The following MYO18B variants were observed in gnomAD, a reference collection of about 807,000 sequenced individuals.
MYO18B encodes unconventional myosin-XVIIIb.
MYO18B carries 204 observed loss-of-function variants against 273.0 expected under a neutral mutation model. The ratio of observed to expected loss-of-function variants is 0.75; its 90% CI spans 0.67 to 0.84. MYO18B has a LOEUF of 0.84. Ranked by LOEUF, MYO18B falls within the 40% of genes least tolerant of loss-of-function variation. The probability of loss-of-function intolerance (pLI) is 0.00; values close to 1 mark genes in which losing one functional copy is unlikely to be tolerated. For missense variants in MYO18B, 3,212 were observed against 3,287.6 expected (o/e 0.98, Z 0.56); for synonymous variants, 1,330 against 1,305.7 (o/e 1.02, Z -0.40).
At chr22:25,747,822 A>G (rs568246289) in intron 1 of MYO18B, among the ~76,000 whole-genome samples, 1 of 152,314 alleles carries the variant, frequency 6.6e-6, no homozygotes, top group African/African-American at 2.4e-5. Context: ...TCACAGGCCT[A>G]CGGAGCATCT....
intron 36 of MYO18B, among the ~76,000 whole-genome samples, chr22:25,948,506 T>TTTC: frequency 1.4e-5 from 2 of 141,898 alleles, no homozygotes; most frequent in African/African-American, 5.3e-5. Context: ...CTTTCCTCTC[T>TTTC]TTTCTCTTTC....
chr22:25,796,470 C>T (rs979727148), intron 11 of MYO18B, among the ~76,000 whole-genome samples: 8 of 151,986 alleles, frequency 5.3e-5, no homozygotes, highest in African/African-American at 1.9e-4. Context: ...GCAGTGTGCA[C>T]CTGTAGTCCC....
At position 25,823,457 on chromosome 22, in the gene MYO18B, CCATGCCCAAGGCCT is replaced by C. The variant is rs1341216555; in HGVS notation, c.2522-45_2522-32del. On this transcript the variant is annotated intron_variant, in intron 12 of 43. Transcript: ENST00000335473. The stretch of plus-strand genomic sequence containing the variant: ...AGGTCCTCTCGGGTGTTCATTCACC[CCATGCCCAAGGCCT>C]CACTGCCACGCCTCTGTTTTGTCCC... The C allele has an allele frequency of 1.9e-6, 3 of 1,587,064 alleles. No individual in the cohort carries two copies. The Admixed American group carries it at 5.2e-5, about 28-fold the overall frequency.
At chr22:25,785,121 C>A (rs2087326734) in intron 10 of MYO18B, among the ~76,000 whole-genome samples, 1 of 152,168 alleles carries the variant, frequency 6.6e-6, no homozygotes, top group South Asian at 2.1e-4. Context: ...TTAATATTAT[C>A]CTTGAGTGAG....
chr22:25,875,558 C>T (rs542485992), intron 23 of MYO18B, among the ~76,000 whole-genome samples: 11 of 152,274 alleles, frequency 7.2e-5, no homozygotes, highest in South Asian at 4.1e-4. Context: ...AACTGTGGTC[C>T]CAGACCAGCA....
intron 42 of MYO18B, among the ~76,000 whole-genome samples, chr22:26,013,109 T>G (rs1177012428): frequency 6.6e-6 from 1 of 151,712 alleles, no homozygotes; most frequent in Non-Finnish European, 1.5e-5. Context: ...CTTTCGATAT[T>G]TTTTCAAGAT....
intron 11 of MYO18B, among the ~76,000 whole-genome samples, chr22:25,792,497 C>CTTTTTTTTTTTTTT (rs58679561): frequency 9.3e-5 from 10 of 107,956 alleles, no homozygotes; most frequent in East Asian, 3.1e-4. Context: ...TTTTTCTTTT[C>CTTTTTTTTTTTTTT]TTTTTTTTTT....
At chr22:25,824,827 G>GAACACAT (rs2089427572) in intron 13 of MYO18B, among the ~76,000 whole-genome samples, 1 of 142,200 alleles carries the variant, frequency 7.0e-6, no homozygotes, top group Non-Finnish European at 1.6e-5. Flanking sequence ...ATGCACACAT[G>GAACACAT]GTGTGCACAC....
intron 1 of MYO18B, among the ~76,000 whole-genome samples, chr22:25,744,216 G>C (rs2085710253): frequency 6.6e-6 from 1 of 152,100 alleles, no homozygotes; most frequent in Non-Finnish European, 1.5e-5. Context: ...TTCCTCCAGG[G>C]GTAAGATCAA....
In MYO18B at chr22:25,908,494, C is replaced by T. The variant is rs1475935558; in HGVS notation, c.5259+62C>T. 2.1e-6 allele frequency: 3 copies of T among 1,395,974 alleles called. No individual in the cohort carries two copies. In the East Asian group the frequency reaches 7.5e-5, roughly 35 times the overall value. The allele number at this position is 1,395,974 out of a possible 1,614,324, so 86.5% of individuals were successfully genotyped here. A position where few individuals can be genotyped will look rare whatever the true frequency, so the allele number is the denominator to read the frequency against. ...CTGGCAGGTCTGGCATGGATTCCCT[C>T]TTCCTTAGAGCGAGGAGTAGGACAG... On this transcript the variant is annotated intron_variant, in intron 32 of 43. Coordinates refer to ENST00000335473, the MANE Select transcript of MYO18B (RefSeq NM_032608.7).
Position 25,874,176 on chromosome 22 carries a change from C to A in MYO18B, c.3952-110C>A, listed in dbSNP as rs932293427. 5 of 1,361,696 alleles carry A rather than the reference C, an allele frequency of 3.7e-6. No individual in the cohort carries two copies. In the African/African-American group the frequency reaches 4.4e-5, roughly 12 times the overall value. The allele number at this position is 1,361,696 out of a possible 1,614,324, so 84.4% of individuals were successfully genotyped here. Reference sequence around the variant, plus strand: ...CTCCCACTTAAAGGGCAACTGCCAACAAATATTGCAGGTGGGTGCAAGAGA... The same window carrying A: ...CTCCCACTTAAAGGGCAACTGCCAAAAAATATTGCAGGTGGGTGCAAGAGA... On this transcript the variant is annotated intron_variant, in intron 22 of 43. Transcript: ENST00000335473.
chr22:25,995,931 C>T (rs1419292119), intron 40 of MYO18B, among the ~76,000 whole-genome samples: 4 of 152,208 alleles, frequency 2.6e-5, no homozygotes, highest in Admixed American at 2.6e-4. Context: ...CTGGAAGGGA[C>T]ATCACCTGCA....
chr22:25,922,338 G>T (rs542223417), intron 34 of MYO18B, among the ~76,000 whole-genome samples: 2 of 152,258 alleles, frequency 1.3e-5, no homozygotes, highest in South Asian at 4.2e-4. Flanking sequence ...TGTGATGAGT[G>T]TGGGCGGTTG....
At chr22:25,771,985 A>G (rs1394449746) in intron 6 of MYO18B, among the ~76,000 whole-genome samples, 1 of 152,216 alleles carries the variant, frequency 6.6e-6, no homozygotes. Flanking sequence ...GGATGCTCGC[A>G]CACACTGGAG....
intron 39 of MYO18B, among the ~76,000 whole-genome samples, chr22:25,971,599 G>C (rs2093036333): frequency 6.6e-6 from 1 of 152,200 alleles, no homozygotes; most frequent in Non-Finnish European, 1.5e-5. Flanking sequence ...AGTTTCCCAG[G>C]ATGATCCTTC....
At chr22:26,021,140 T>C (rs1177891183) in intron 42 of MYO18B, among the ~76,000 whole-genome samples, 8 of 152,162 alleles carry the variant, frequency 5.3e-5, no homozygotes, top group Admixed American at 5.2e-4. Context: ...AGAGCTGGGA[T>C]TTGAACTCAG....
At chr22:25,940,699 T>C (rs1160179880) in intron 34 of MYO18B, among the ~76,000 whole-genome samples, 1 of 152,198 alleles carries the variant, frequency 6.6e-6, no homozygotes, top group Non-Finnish European at 1.5e-5. Flanking sequence ...TGACCCTAGA[T>C]GGAGCTCATC....
At chr22:25,952,029 A>G (rs2092798057) in intron 37 of MYO18B, among the ~76,000 whole-genome samples, 1 of 152,188 alleles carries the variant, frequency 6.6e-6, no homozygotes. Flanking sequence ...TCTTGTTTTC[A>G]ATTGTGAAGG....
At position 25,921,264 on chromosome 22, in the gene MYO18B, A is replaced by G. The variant is rs139515811; in HGVS notation, c.5372A>G (p.His1791Arg). 3.3e-5 allele frequency: 51 copies of G among 1,551,584 alleles called. No individual in the cohort carries two copies. Among genetic ancestry groups the G allele is most frequent in the Non-Finnish European group, 4.3e-5 (49 of 1,146,586 alleles). Residue 1791 changes from histidine to arginine, a missense_variant, in exon 34 of 44, where the codon CAT becomes CGT. Physicochemically the swap from His to Arg is conservative, Grantham distance 29 (BLOSUM62 0). Transcript: ENST00000335473. ...TCTCCCTTTGGCTTTCAGATTGGCC[A>G]TCGGGACTTTGATGTGGAGAAGCGA... ...LIGTLCDQIG[H>R]RDFDVEKRLR... is the part of the protein sequence containing the mutation.
Sources: allele counts gnomAD v4.1 joint callset (sites outside exome capture counted in the v4.1 genomes callset), GRCh38; gene constraint gnomAD v4.1.1; transcripts MANE v1.5; gene names NCBI Gene and HGNC (gene_info 2026-07-23, HGNC 2026-07-21).